CDKAL1: variants seen among roughly 807,000 people sequenced by gnomAD.
CDKAL1 encodes the protein CDKAL1 threonylcarbamoyladenosine tRNA methylthiotransferase.
Under a neutral mutation model 68.2 loss-of-function variants are expected in CDKAL1, and 32 were observed. The ratio of observed to expected loss-of-function variants is 0.47; its 90% CI spans 0.35 to 0.63. The LOEUF is 0.63. Among genes scored for constraint, CDKAL1 ranks in the 30% least tolerant of loss-of-function variants. The pLI is 0.00. For missense variants in CDKAL1, 606 were observed against 696.7 expected (o/e 0.87, Z 1.47); for synonymous variants, 234 against 244.3 (o/e 0.96, Z 0.39).
At chr6:21,132,100 G>A (rs1416970583) in intron 13 of CDKAL1, among the ~76,000 whole-genome samples, 3 of 152,074 alleles carry the variant, frequency 2.0e-5, no homozygotes, top group Non-Finnish European at 4.4e-5. Flanking sequence ...TTTAGAAAGA[G>A]GCTAATAGTT....
chr6:21,040,540 A>G (rs1280038527), intron 11 of CDKAL1, among the ~76,000 whole-genome samples: 2 of 152,184 alleles, frequency 1.3e-5, no homozygotes, highest in African/African-American at 4.8e-5. Flanking sequence ...TTAATACTTA[A>G]GTTGTGTAAA....
chr6:21,137,923 G>T (rs944581232), intron 13 of CDKAL1, among the ~76,000 whole-genome samples: 16 of 152,344 alleles, frequency 1.1e-4, no homozygotes, highest in African/African-American at 3.8e-4. Context: ...ACAACGCTCT[G>T]TGTAGCATAC....
chr6:20,680,668 T>G (rs1770333788), intron 5 of CDKAL1, among the ~76,000 whole-genome samples: 1 of 152,214 alleles, frequency 6.6e-6, no homozygotes, highest in African/African-American at 2.4e-5. Context: ...TCTCCCTCTG[T>G]CTCTGTCTGT....
At chr6:20,783,019 C>G (rs2150378105) in intron 8 of CDKAL1, among the ~76,000 whole-genome samples, 1 of 152,204 alleles carries the variant, frequency 6.6e-6, no homozygotes. Flanking sequence ...CAACCTCTGC[C>G]TCCGGGTTCA....
intron 4 of CDKAL1, among the ~76,000 whole-genome samples, chr6:20,600,096 G>T (rs1766017507): frequency 6.6e-6 from 1 of 152,064 alleles, no homozygotes; most frequent in African/African-American, 2.4e-5. Flanking sequence ...GTATAATTCT[G>T]AAAGAAAATA....
chr6:20,661,013 TG>T (rs1769260957), intron 5 of CDKAL1, among the ~76,000 whole-genome samples: 1 of 152,134 alleles, frequency 6.6e-6, no homozygotes, highest in Non-Finnish European at 1.5e-5. Flanking sequence ...GTAGTAATGT[TG>T]GAAAGGTTGA....
At chr6:20,956,602 A>C (rs1450909096) in intron 10 of CDKAL1, among the ~76,000 whole-genome samples, 1 of 152,234 alleles carries the variant, frequency 6.6e-6, no homozygotes, top group Non-Finnish European at 1.5e-5. Flanking sequence ...ATAACATCCC[A>C]AAAAGCTAAA....
At chr6:20,797,729 A>G (rs775569476) in intron 8 of CDKAL1, among the ~76,000 whole-genome samples, 3 of 151,822 alleles carry the variant, frequency 2.0e-5, no homozygotes, top group South Asian at 2.1e-4. Context: ...AAATAAGCCA[A>G]TCACTAAAAG....
Position 21,182,925 on chromosome 6 carries a change from C to T in CDKAL1, c.1300-15096C>T, listed in dbSNP as rs1777846671. ...TCTCTAGGTTTTGATCACATATAAG[C>T]AAGCTTAAAAAAATCATTATCATTA... On this transcript the variant is annotated intron_variant, in intron 13 of 15. Coordinates refer to ENST00000274695, the MANE Select transcript of CDKAL1 (RefSeq NM_017774.3). 2.0e-5 allele frequency among the ~76,000 whole-genome samples: 3 copies of T among 152,058 alleles called. No individual in the cohort carries two copies. The South Asian group carries it at 6.2e-4, about 32-fold the overall frequency.
intron 9 of CDKAL1, among the ~76,000 whole-genome samples, chr6:20,892,659 C>T (rs1761470208): frequency 6.6e-6 from 1 of 152,166 alleles, no homozygotes; most frequent in Non-Finnish European, 1.5e-5. Flanking sequence ...TCTCCATCTA[C>T]AGAATCATCC....
intron 10 of CDKAL1, among the ~76,000 whole-genome samples, chr6:20,964,193 G>A (rs1765188647): frequency 6.6e-6 from 1 of 152,200 alleles, no homozygotes; most frequent in Admixed American, 6.5e-5. Context: ...AAAAAGGAAT[G>A]CTTATACACT....
In CDKAL1 at chr6:20,749,596, A is replaced by G. The variant is rs561967612; in HGVS notation, c.469-8999A>G. 1.5e-4 allele frequency among the ~76,000 whole-genome samples: 22 copies of G among 150,842 alleles called. No homozygotes were observed. The South Asian group carries it at 1.7e-3, about 12-fold the overall frequency. ...GGAGTCTCACTCCATCCCCCAGGCT[A>G]GAGTGCAGTGGCACGATCTCGGCTC... On this transcript the variant is annotated intron_variant, in intron 6 of 15. Coordinates refer to ENST00000274695, the MANE Select transcript of CDKAL1 (RefSeq NM_017774.3).
At position 20,938,765 on chromosome 6, in the gene CDKAL1, C is replaced by T. The variant is rs575061246; in HGVS notation, c.743-16654C>T. Among the ~76,000 whole-genome samples the T allele has an allele frequency of 2.6e-5, 4 of 152,062 alleles. No individual in the cohort carries two copies. The East Asian group carries it at 7.7e-4, about 29-fold the overall frequency. On this transcript the variant is annotated intron_variant, in intron 9 of 15. Coordinates refer to ENST00000274695, the MANE Select transcript of CDKAL1 (RefSeq NM_017774.3). Reference sequence around the variant, plus strand: ...GAAGCTCAATTTATTATTTTTACAACCTTTTTTTTTCTGTTGAATATATAT... The same window carrying T: ...GAAGCTCAATTTATTATTTTTACAATCTTTTTTTTTCTGTTGAATATATAT...
chr6:21,016,642 A>G (rs1465173139), intron 11 of CDKAL1, among the ~76,000 whole-genome samples: 2 of 151,248 alleles, frequency 1.3e-5, no homozygotes, highest in Non-Finnish European at 2.9e-5. Context: ...CCATCCATCC[A>G]TCCATCCATC....
chr6:20,764,454 C>A (rs1774606720), intron 7 of CDKAL1, among the ~76,000 whole-genome samples: 1 of 152,144 alleles, frequency 6.6e-6, no homozygotes, highest in Non-Finnish European at 1.5e-5. Context: ...GTAATTGGTG[C>A]CATCTTGCAC....
intron 15 of CDKAL1, among the ~76,000 whole-genome samples, chr6:21,211,744 G>A (rs567034586): frequency 7.2e-5 from 11 of 152,088 alleles, no homozygotes; most frequent in Non-Finnish European, 1.5e-4. Context: ...TATCATGCAT[G>A]TGGGAATATT....
At chr6:21,188,553 GTTCTA>G (rs1778107804) in intron 13 of CDKAL1, among the ~76,000 whole-genome samples, 1 of 152,182 alleles carries the variant, frequency 6.6e-6, no homozygotes, top group Admixed American at 6.5e-5. Flanking sequence ...TCATAAAAAA[GTTCTA>G]CACTTATATC....
At chr6:21,082,967 G>A (rs1772489514) in intron 12 of CDKAL1, among the ~76,000 whole-genome samples, 1 of 148,240 alleles carries the variant, frequency 6.7e-6, no homozygotes, top group Admixed American at 6.9e-5. Context: ...TCGACCTCCT[G>A]GGCTCATACA....
At chr6:21,130,373 C>T (rs184806711) in intron 13 of CDKAL1, among the ~76,000 whole-genome samples, 71 of 152,026 alleles carry the variant, frequency 4.7e-4, no homozygotes, top group African/African-American at 1.5e-3. Flanking sequence ...TATAGGCACC[C>T]GCCACCACGC....
Sources: gnomAD v4.1 joint callset for allele counts (sites outside exome capture counted in the v4.1 genomes callset) on GRCh38, gnomAD v4.1.1 for gene constraint, MANE v1.5 for transcripts, NCBI Gene and HGNC (gene_info 2026-07-23, HGNC 2026-07-21) for gene names.